The following SPHKAP variants were observed in gnomAD, a reference collection of about 807,000 sequenced individuals.
The protein encoded by SPHKAP is A-kinase anchor protein SPHKAP.
Under a neutral mutation model 137.5 loss-of-function variants are expected in SPHKAP, and 67 were observed. That is an observed-to-expected ratio of 0.49 (90% CI 0.40 to 0.60). The LOEUF (loss-of-function observed/expected upper bound fraction) is 0.60, where lower values mean the gene tolerates loss of function less well. Ranked by LOEUF, SPHKAP falls within the 20% of genes least tolerant of loss-of-function variation. The probability of loss-of-function intolerance (pLI) is 0.00; values close to 1 mark genes in which losing one functional copy is unlikely to be tolerated. For synonymous variants in SPHKAP, 813 were observed against 785.3 expected (o/e 1.04, Z -0.59); for missense variants, 2,097 against 2,069.3 (o/e 1.01, Z -0.26).
intron 1 of SPHKAP, among the ~76,000 whole-genome samples, chr2:228,149,499 T>C (rs1184677122): frequency 2.0e-5 from 3 of 152,076 alleles, no homozygotes. Flanking sequence ...AGAACTAAGG[T>C]AGTAAAATAT....
intron 3 of SPHKAP, among the ~76,000 whole-genome samples, chr2:228,043,005 A>G (rs778195816): frequency 3.3e-5 from 5 of 152,214 alleles, no homozygotes; most frequent in Admixed American, 6.5e-5. Context: ...TAGGTATCCA[A>G]CTACATACAT....
intron 9 of SPHKAP, chr2:227,991,555 CA>C: frequency 1.0e-6 from 1 of 985,368 alleles, no homozygotes; most frequent in Non-Finnish European, 1.2e-6. Flanking sequence ...CCAGATAACT[CA>C]AGTTACTTTA....
chr2:228,027,930 C>G, intron 3 of SPHKAP: 1 of 863,810 alleles, frequency 1.2e-6, no homozygotes, highest in Non-Finnish European at 1.4e-6. Context: ...CATGCCCACT[C>G]CAGCCTGGCG....
intron 1 of SPHKAP, among the ~76,000 whole-genome samples, chr2:228,164,412 CA>C (rs1700361505): frequency 6.6e-6 from 1 of 152,188 alleles, no homozygotes; most frequent in Admixed American, 6.5e-5. Flanking sequence ...TTCATGTATA[CA>C]TATGTCCTAT....
At chr2:228,177,712 T>C (rs576003668) in intron 1 of SPHKAP, among the ~76,000 whole-genome samples, 2 of 152,278 alleles carry the variant, frequency 1.3e-5, no homozygotes, top group East Asian at 3.9e-4. Context: ...TACTGAGGGG[T>C]AAAATCTTGA....
intron 3 of SPHKAP, among the ~76,000 whole-genome samples, chr2:228,069,545 C>G (rs986583580): frequency 6.7e-6 from 1 of 149,930 alleles, no homozygotes; most frequent in Non-Finnish European, 1.5e-5. Context: ...TTCAGCCTCT[C>G]AAAGTACTGG....
At chr2:228,059,504 G>A (rs566869196) in intron 3 of SPHKAP, among the ~76,000 whole-genome samples, 1 of 152,312 alleles carries the variant, frequency 6.6e-6, no homozygotes, top group East Asian at 1.9e-4. Context: ...GAATATGCCA[G>A]CCAGTGACTG....
At chr2:228,108,757 T>C in intron 3 of SPHKAP, 75 bp downstream of exon 3, 3 of 961,658 alleles carry the variant, frequency 3.1e-6, no homozygotes, top group Non-Finnish European at 3.2e-6. Context: ...TATGAAACTT[T>C]TGGTCCTAAA....
At chr2:228,094,304 G>T (rs1426541617) in intron 3 of SPHKAP, among the ~76,000 whole-genome samples, 1 of 152,146 alleles carries the variant, frequency 6.6e-6, no homozygotes, top group Non-Finnish European at 1.5e-5. Flanking sequence ...TTACTCTGTG[G>T]CCTTGAGAAA....
chr2:228,070,146 A>G (rs951851835), intron 3 of SPHKAP, among the ~76,000 whole-genome samples: 4 of 152,246 alleles, frequency 2.6e-5, no homozygotes, highest in Non-Finnish European at 5.9e-5. Context: ...AAACTTAACT[A>G]CTAATAGCTT....
intron 7 of SPHKAP, among the ~76,000 whole-genome samples, chr2:228,007,239 T>A (rs998023373): frequency 6.6e-6 from 1 of 152,212 alleles, no homozygotes; most frequent in African/African-American, 2.4e-5. Context: ...GATACAATAA[T>A]TTGATATATG....
chr2:228,121,360 C>T (rs4973612), intron 2 of SPHKAP, among the ~76,000 whole-genome samples: 51,986 of 151,824 alleles, frequency 0.34, 9,173 homozygotes, highest in East Asian at 0.5. Flanking sequence ...ATAATAAAAA[C>T]AAAAAATTAG....
At chr2:228,155,244 C>A (rs1344286777) in intron 1 of SPHKAP, among the ~76,000 whole-genome samples, 1 of 151,098 alleles carries the variant, frequency 6.6e-6, no homozygotes, top group African/African-American at 2.4e-5. Context: ...TTGGGTGAGA[C>A]AAAAGTTCGT....
At chr2:228,012,652 ATT>A (rs1694433538) in intron 7 of SPHKAP, among the ~76,000 whole-genome samples, 1 of 152,170 alleles carries the variant, frequency 6.6e-6, no homozygotes, top group South Asian at 2.1e-4. Flanking sequence ...AAGTCTTTCT[ATT>A]TTCTTCTGTG....
chr2:227,986,342 TCTCA>T (rs1693208385), intron 11 of SPHKAP, among the ~76,000 whole-genome samples: 1 of 152,178 alleles, frequency 6.6e-6, no homozygotes, highest in Admixed American at 6.6e-5. Context: ...CATCGTATGT[TCTCA>T]CTCATAAGTG....
At chr2:228,157,891 T>C (rs746506803) in intron 1 of SPHKAP, among the ~76,000 whole-genome samples, 2 of 152,162 alleles carry the variant, frequency 1.3e-5, no homozygotes, top group Non-Finnish European at 2.9e-5. Context: ...AAAAAAAATG[T>C]CACCAAGGAA....
At chr2:228,029,374 G>T (rs555492650) in intron 3 of SPHKAP, among the ~76,000 whole-genome samples, 6 of 152,148 alleles carry the variant, frequency 3.9e-5, no homozygotes, top group African/African-American at 1.4e-4. Flanking sequence ...ATAATGGAAA[G>T]GTTTTGAGAA....
intron 1 of SPHKAP, among the ~76,000 whole-genome samples, chr2:228,151,848 T>C (rs1699943448): frequency 6.6e-6 from 1 of 152,124 alleles, no homozygotes; most frequent in Admixed American, 6.5e-5. Flanking sequence ...TATTTAGCCT[T>C]TTTTTAAAAA....
At position 227,981,239 on chromosome 2, in the gene SPHKAP, C is replaced by T. The variant is rs1559330652; in HGVS notation, c.*478G>A. ...GTATAAAAGTCTGGGGATTTCTCAC[C>T]CATATCTTAAGTATTTCTCCGGGCT... On this transcript the variant is annotated 3_prime_UTR_variant, in exon 12 of 12. Transcript: ENST00000392056. 6.6e-6 allele frequency: 1 copy of T among 152,234 alleles called. No homozygotes were observed. Among genetic ancestry groups the T allele is most frequent in the African/African-American group, 2.4e-5 (1 of 41,446 alleles). 9.4% of individuals were successfully genotyped at this position (152,234 alleles called of 1,614,324 possible). A position where few individuals can be genotyped will look rare whatever the true frequency, so the allele number is the denominator to read the frequency against.
Sources: gnomAD v4.1 joint callset for allele counts (sites outside exome capture counted in the v4.1 genomes callset) on GRCh38, gnomAD v4.1.1 for gene constraint, MANE v1.5 for transcripts, NCBI Gene and HGNC (gene_info 2026-07-23, HGNC 2026-07-21) for gene names.